The following KSR2 variants were observed in gnomAD, a reference collection of about 807,000 sequenced individuals.
KSR2 encodes the protein kinase suppressor of ras 2.
A neutral mutation model predicts 107.8 loss-of-function variants in KSR2; 25 were observed. That is an observed-to-expected ratio of 0.23 (90% CI 0.17 to 0.32). KSR2 has a LOEUF of 0.32. Ranked by LOEUF, KSR2 falls within the 10% of genes least tolerant of loss-of-function variation. The pLI, the probability that KSR2 is intolerant of heterozygous loss-of-function variation, is 1.00. For synonymous variants in KSR2, 480 were observed against 507.0 expected, an observed-to-expected ratio of 0.95 and a Z score of 0.71; for missense variants, 887 against 1,268.9, an observed-to-expected ratio of 0.70 and a Z score of 4.57.
At chr12:117,503,128 AC>A (rs1873478177) in intron 14 of KSR2, among the ~76,000 whole-genome samples, 1 of 152,208 alleles carries the variant, frequency 6.6e-6, no homozygotes, top group African/African-American at 2.4e-5. Context: ...AGACAGTAGC[AC>A]CTAGAGGTTA....
intron 4 of KSR2, among the ~76,000 whole-genome samples, chr12:117,746,975 C>G (rs544292120): frequency 6.6e-6 from 1 of 152,264 alleles, no homozygotes; most frequent in African/African-American, 2.4e-5. Context: ...TGCTTTTACA[C>G]TGTTGGTGGG....
intron 5 of KSR2, among the ~76,000 whole-genome samples, chr12:117,626,119 A>C (rs2136355612): frequency 6.6e-6 from 1 of 151,864 alleles, no homozygotes. Context: ...TCTTGCTAGC[A>C]GTCTATCTAT....
chr12:117,569,928 C>A (rs565683470), intron 7 of KSR2, among the ~76,000 whole-genome samples: 1 of 152,058 alleles, frequency 6.6e-6, no homozygotes, highest in Non-Finnish European at 1.5e-5. Context: ...ACACCATAGC[C>A]CCATGGCGTA....
At chr12:117,710,674 C>T (rs969686251) in intron 4 of KSR2, among the ~76,000 whole-genome samples, 3 of 152,112 alleles carry the variant, frequency 2.0e-5, no homozygotes, top group Non-Finnish European at 2.9e-5. Context: ...ATAATCATAT[C>T]CATGATCGTA....
chr12:117,752,897 TAG>T (rs1349934454), intron 4 of KSR2, among the ~76,000 whole-genome samples: 1 of 152,214 alleles, frequency 6.6e-6, no homozygotes, highest in Admixed American at 6.5e-5. Flanking sequence ...ATTGCACACA[TAG>T]AGTTGTTAGG....
intron 12 of KSR2, among the ~76,000 whole-genome samples, chr12:117,530,283 A>G (rs1330153976): frequency 6.6e-6 from 1 of 152,196 alleles, no homozygotes; most frequent in East Asian, 1.9e-4. Context: ...TATTTTTATA[A>G]TAATATAAAC....
intron 5 of KSR2, among the ~76,000 whole-genome samples, chr12:117,662,395 C>A (rs1884474445): frequency 6.6e-6 from 1 of 152,172 alleles, no homozygotes; most frequent in Non-Finnish European, 1.5e-5. Context: ...CCAGCGGCCG[C>A]TTTCTTGGGA....
intron 5 of KSR2, among the ~76,000 whole-genome samples, chr12:117,626,029 C>A (rs1882492086): frequency 6.6e-6 from 1 of 152,206 alleles, no homozygotes; most frequent in Admixed American, 6.5e-5. Flanking sequence ...GTTTGTATTT[C>A]TGTGGGATCG....
chr12:117,968,313 G>GT lies in KSR2; in HGVS notation c.-59_-58insA. On this transcript the variant is annotated 5_prime_UTR_variant, in exon 1 of 20. Transcript: ENST00000339824. ...CCTCCCAGAGAGAAAAAAGAGGGGG[G>GT]GGAGTAGAGGTAGTCTACCCTCCGC... 1.4e-6 allele frequency: 2 copies of GT among 1,452,832 alleles called. No individual in the cohort carries two copies. Among genetic ancestry groups the GT allele is most frequent in the Admixed American group, 2.8e-5 (1 of 35,956 alleles). The allele number at this position is 1,452,832 out of a possible 1,614,324, so 90.0% of individuals were successfully genotyped here.
chr12:117,498,816 G>A (rs1005571597), intron 14 of KSR2, among the ~76,000 whole-genome samples: 2 of 152,142 alleles, frequency 1.3e-5, no homozygotes, highest in African/African-American at 4.8e-5. Context: ...CTTGTCTGCC[G>A]CCATGTGAGA....
At chr12:117,583,717 C>T (rs1437580016) in intron 5 of KSR2, among the ~76,000 whole-genome samples, 1 of 152,156 alleles carries the variant, frequency 6.6e-6, no homozygotes, top group Non-Finnish European at 1.5e-5. Flanking sequence ...ACACCATCCT[C>T]CTGGCAGAGC....
intron 14 of KSR2, among the ~76,000 whole-genome samples, chr12:117,490,205 G>C (rs1330709820): frequency 6.6e-6 from 1 of 152,172 alleles, no homozygotes; most frequent in African/African-American, 2.4e-5. Context: ...TATCAGACAT[G>C]ATTCTTGAGC....
intron 14 of KSR2, among the ~76,000 whole-genome samples, chr12:117,524,559 T>A (rs959266987): frequency 3.9e-5 from 6 of 152,028 alleles, no homozygotes; most frequent in Admixed American, 2.0e-4. Context: ...GCCAGCTATT[T>A]GGGAGGCTGA....
chr12:117,711,872 T>G (rs183739859), intron 4 of KSR2, among the ~76,000 whole-genome samples: 11 of 152,134 alleles, frequency 7.2e-5, no homozygotes, highest in Admixed American at 1.3e-4. Context: ...GGTTGTGCCA[T>G]GAAGAGTTGC....
chr12:117,659,219 G>A lies in KSR2; in HGVS notation c.1171+8255C>T, dbSNP rs114042529. 4.3e-3 allele frequency among the ~76,000 whole-genome samples: 658 copies of A among 152,200 alleles called. 3 individuals are homozygous for A. Among genetic ancestry groups the A allele is most frequent in the African/African-American group, 0.014 (598 of 41,518 alleles). On this transcript the variant is annotated intron_variant, in intron 5 of 19. Coordinates refer to ENST00000339824, the MANE Select transcript of KSR2 (RefSeq NM_173598.6). Reference sequence around the variant, plus strand: ...ACAAATGGCCCCCTTGCTTTCTAACGCCAACCACTTACCTACCAATTTTGG... The same window carrying A: ...ACAAATGGCCCCCTTGCTTTCTAACACCAACCACTTACCTACCAATTTTGG...
chr12:117,553,581 G>A (rs955217423), intron 9 of KSR2, among the ~76,000 whole-genome samples: 3 of 152,106 alleles, frequency 2.0e-5, no homozygotes, highest in South Asian at 2.1e-4. Flanking sequence ...GTGCCCTCCC[G>A]ATCCTTGGGC....
intron 14 of KSR2, among the ~76,000 whole-genome samples, chr12:117,492,419 G>GGTGACTGGGCCAGGCATGAATA (rs148145788): frequency 6.6e-6 from 1 of 152,098 alleles, no homozygotes; most frequent in African/African-American, 2.4e-5. Flanking sequence ...ACCAAGCCCA[G>GGTGACTGGGCCAGGCATGAATA]GTGGGGAGCA....
At chr12:117,710,789 C>T (rs757066026) in intron 4 of KSR2, among the ~76,000 whole-genome samples, 1 of 152,074 alleles carries the variant, frequency 6.6e-6, no homozygotes, top group Non-Finnish European at 1.5e-5. Context: ...TTAATGCATG[C>T]TCTGCCCCCT....
chr12:117,499,932 A>G (rs1873280110), intron 14 of KSR2, among the ~76,000 whole-genome samples: 1 of 152,174 alleles, frequency 6.6e-6, no homozygotes, highest in Non-Finnish European at 1.5e-5. Context: ...GGGCCTGTGT[A>G]AGGCAGTCAG....
Sources: gnomAD v4.1 joint callset for allele counts (sites outside exome capture counted in the v4.1 genomes callset) on GRCh38, gnomAD v4.1.1 for gene constraint, MANE v1.5 for transcripts, NCBI Gene and HGNC (gene_info 2026-07-23, HGNC 2026-07-21) for gene names.